CALN1: variants seen among roughly 807,000 people sequenced by gnomAD.
CALN1 encodes calcium-binding protein 8.
A neutral mutation model predicts 30.6 loss-of-function variants in CALN1; 17 were observed. The observed-to-expected ratio is 0.56, with a 90% confidence interval of 0.38 to 0.83. The LOEUF (loss-of-function observed/expected upper bound fraction) is 0.83, where lower values mean the gene tolerates loss of function less well. Among genes scored for constraint, CALN1 ranks in the 40% least tolerant of loss-of-function variants. The pLI is 0.00. For missense variants in CALN1, 291 were observed against 354.9 expected (o/e 0.82, Z 1.45); for synonymous variants, 156 against 131.4 (o/e 1.19, Z -1.28).
intron 5 of CALN1, among the ~76,000 whole-genome samples, chr7:71,992,735 T>C (rs1480701817): frequency 6.6e-6 from 1 of 152,196 alleles, no homozygotes; most frequent in Non-Finnish European, 1.5e-5. Flanking sequence ...ATTCTTACCT[T>C]TGGGCTGCAA....
chr7:71,825,587 G>C (rs1788860990), intron 5 of CALN1, among the ~76,000 whole-genome samples: 2 of 152,170 alleles, frequency 1.3e-5, no homozygotes, highest in Non-Finnish European at 2.9e-5. Flanking sequence ...GAATTAAACA[G>C]CGGGACCGAA....
intron 4 of CALN1, among the ~76,000 whole-genome samples, chr7:72,054,027 C>A (rs112735640): frequency 5.0e-4 from 76 of 152,144 alleles, no homozygotes; most frequent in Middle Eastern, 3.4e-3. Flanking sequence ...ACCACAATTT[C>A]TTTATCCACT....
intron 4 of CALN1, among the ~76,000 whole-genome samples, chr7:72,083,248 CAGA>C (rs1302938144): frequency 1.3e-5 from 2 of 152,024 alleles, no homozygotes; most frequent in African/African-American, 4.8e-5. Flanking sequence ...GAAAATTTCA[CAGA>C]AGCAGACTTA....
rs148728878 is a variant in CALN1, at chr7:72,209,617, T to C, written c.244+69069A>G. 1.9e-4 allele frequency among the ~76,000 whole-genome samples: 29 copies of C among 152,004 alleles called. No individual in the cohort carries two copies. The East Asian group carries it at 4.7e-3, about 24-fold the overall frequency. On this transcript the variant is annotated intron_variant, in intron 3 of 6. Coordinates refer to ENST00000395275, the MANE Select transcript of CALN1 (RefSeq NM_031468.4). ...TTTTTAGTATATTCACAGACATGTG[T>C]ATCACTGCAGTCAATATTAGAACAT...
intron 2 of CALN1, among the ~76,000 whole-genome samples, chr7:72,357,205 T>C (rs1322086925): frequency 1.3e-5 from 2 of 151,932 alleles, no homozygotes; most frequent in Admixed American, 6.5e-5. Flanking sequence ...ATGCTGGAGT[T>C]TGGCCACAAT....
intron 2 of CALN1, among the ~76,000 whole-genome samples, chr7:72,311,666 T>A (rs1288797120): frequency 7.0e-6 from 1 of 142,678 alleles, no homozygotes; most frequent in African/African-American, 2.6e-5. Context: ...TTTTTTTTTT[T>A]TTTTTTTTTT....
chr7:72,235,698 T>G (rs1018661383), intron 3 of CALN1, among the ~76,000 whole-genome samples: 7 of 126,294 alleles, frequency 5.5e-5, no homozygotes, highest in Middle Eastern at 4.0e-3. Flanking sequence ...AACCTTGGAC[T>G]CCATGACATC....
chr7:72,033,166 T>C (rs560369919), intron 4 of CALN1, among the ~76,000 whole-genome samples: 8 of 135,928 alleles, frequency 5.9e-5, no homozygotes, highest in South Asian at 2.5e-4. Flanking sequence ...TCCCCACTGC[T>C]ATGTGAGTCA....
chr7:71,796,561 C>T (rs1408678230), intron 6 of CALN1, among the ~76,000 whole-genome samples: 12 of 151,602 alleles, frequency 7.9e-5, no homozygotes, highest in East Asian at 2.0e-4. Flanking sequence ...GGTTCCACTA[C>T]GTTGGCCAGG....
At chr7:72,360,324 A>G (rs1266516987) in intron 2 of CALN1, among the ~76,000 whole-genome samples, 1 of 152,154 alleles carries the variant, frequency 6.6e-6, no homozygotes, top group Non-Finnish European at 1.5e-5. Flanking sequence ...CCTAATATTC[A>G]AATGGTTCAA....
intron 3 of CALN1, among the ~76,000 whole-genome samples, chr7:72,204,775 C>T (rs1375121832): frequency 1.3e-5 from 2 of 152,084 alleles, no homozygotes; most frequent in African/African-American, 4.8e-5. Flanking sequence ...AGCTTGTTTC[C>T]AGTTCTTTGC....
chr7:72,007,950 C>T (rs942030430), intron 5 of CALN1, among the ~76,000 whole-genome samples: 2 of 152,112 alleles, frequency 1.3e-5, no homozygotes. Flanking sequence ...CACACAGACA[C>T]ACACAAAGAG....
At chr7:71,902,304 A>C (rs1793902881) in intron 5 of CALN1, among the ~76,000 whole-genome samples, 1 of 152,154 alleles carries the variant, frequency 6.6e-6, no homozygotes, top group Admixed American at 6.5e-5. Context: ...CAAAACTCTT[A>C]TGGAAAAAAT....
At chr7:72,059,797 T>C (rs973564717) in intron 4 of CALN1, among the ~76,000 whole-genome samples, 4 of 152,084 alleles carry the variant, frequency 2.6e-5, no homozygotes, top group Admixed American at 2.6e-4. Context: ...CCACTTAGGT[T>C]GAAAAAAAAC....
intron 5 of CALN1, among the ~76,000 whole-genome samples, chr7:71,988,739 T>C (rs71551243): frequency 5.3e-5 from 8 of 152,092 alleles, no homozygotes; most frequent in Non-Finnish European, 1.2e-4. Flanking sequence ...TCAGAGCTGG[T>C]TCACAAGAAA....
chr7:72,151,534 T>C (rs370367816), intron 3 of CALN1, among the ~76,000 whole-genome samples: 1 of 152,180 alleles, frequency 6.6e-6, no homozygotes, highest in African/African-American at 2.4e-5. Flanking sequence ...AACCCCGTAA[T>C]AGACCCACAC....
intron 3 of CALN1, among the ~76,000 whole-genome samples, chr7:72,204,236 T>C (rs1429196103): frequency 4.6e-5 from 7 of 151,380 alleles, no homozygotes; most frequent in Non-Finnish European, 1.0e-4. Context: ...ACCTCGTGAT[T>C]CTCCCGCCTC....
chr7:72,472,332 T>C, the CALN1 span, among the ~76,000 whole-genome samples: 1 of 152,112 alleles, frequency 6.6e-6, no homozygotes, highest in Admixed American at 6.6e-5. Flanking sequence ...AGACACACCT[T>C]AGTTGCCCCC....
the CALN1 span, among the ~76,000 whole-genome samples, chr7:72,484,893 T>A: frequency 6.6e-6 from 1 of 152,312 alleles, no homozygotes; most frequent in African/African-American, 2.4e-5. Context: ...TTTTATTGTT[T>A]TTTATGTATT....
Sources: gnomAD v4.1 joint callset for allele counts (sites outside exome capture counted in the v4.1 genomes callset) on GRCh38, gnomAD v4.1.1 for gene constraint, MANE v1.5 for transcripts, NCBI Gene and HGNC (gene_info 2026-07-23, HGNC 2026-07-21) for gene names.